ITGB1: variants seen among roughly 807,000 people sequenced by gnomAD.
ITGB1 encodes the protein integrin subunit beta 1.
In ITGB1, 24 loss-of-function variants were observed where a neutral mutation model predicts 86.5. The ratio of observed to expected loss-of-function variants is 0.28; its 90% CI spans 0.20 to 0.39. The LOEUF (loss-of-function observed/expected upper bound fraction) is 0.39, where lower values mean the gene tolerates loss of function less well. ITGB1 is among the 10% of genes least tolerant of loss of function. The pLI is 1.00. For missense variants in ITGB1, 556 were observed against 946.9 expected, an observed-to-expected ratio of 0.59 and a Z score of 5.42; for synonymous variants, 323 against 316.8, an observed-to-expected ratio of 1.02 and a Z score of -0.21.
intron 6 of ITGB1, among the ~76,000 whole-genome samples, chr10:32,924,841 T>A (rs1326162933): frequency 6.6e-6 from 1 of 152,238 alleles, no homozygotes; most frequent in Non-Finnish European, 1.5e-5. Flanking sequence ...ATTTGCTGAA[T>A]GCTCATTGGT....
intron 13 of ITGB1, among the ~76,000 whole-genome samples, chr10:32,910,890 C>A (rs984324006): frequency 2.0e-5 from 3 of 152,008 alleles, no homozygotes; most frequent in African/African-American, 7.3e-5. Flanking sequence ...AGGCACACAC[C>A]ACCATATCTG....
At chr10:32,939,217 T>C (rs182878207) in intron 1 of ITGB1, among the ~76,000 whole-genome samples, 1 of 152,164 alleles carries the variant, frequency 6.6e-6, no homozygotes, top group African/African-American at 2.4e-5. Context: ...TGGCATTCCA[T>C]ATAAAACAGA....
At chr10:32,938,447 C>T (rs1427426081) in intron 1 of ITGB1, among the ~76,000 whole-genome samples, 5 of 152,110 alleles carry the variant, frequency 3.3e-5, no homozygotes, top group Non-Finnish European at 5.9e-5. Flanking sequence ...ACATATCATA[C>T]AATTTAGACA....
At chr10:32,920,793 T>C (rs1262730207) in intron 9 of ITGB1, among the ~76,000 whole-genome samples, 3 of 140,906 alleles carry the variant, frequency 2.1e-5, no homozygotes, top group Non-Finnish European at 3.1e-5. Flanking sequence ...GCCAACACAG[T>C]GAAACCCCAT....
chr10:32,926,467 T>A (rs2094965074), intron 5 of ITGB1, among the ~76,000 whole-genome samples: 1 of 152,208 alleles, frequency 6.6e-6, no homozygotes, highest in Non-Finnish European at 1.5e-5. Context: ...CAATCCCTCA[T>A]GGCTTGGTGC....
intron 1 of ITGB1, chr10:32,944,406 A>T (rs563504221): frequency 3.2e-6 from 1 of 309,994 alleles, no homozygotes; most frequent in South Asian, 3.0e-5. Flanking sequence ...AGGGGCGTCT[A>T]CGCGGCAGCA....
intron 1 of ITGB1, among the ~76,000 whole-genome samples, chr10:32,952,867 C>T (rs2095045262): frequency 6.6e-6 from 1 of 152,154 alleles, no homozygotes; most frequent in Non-Finnish European, 1.5e-5. Flanking sequence ...GACAAATCTT[C>T]AGTGATGCTT....
At chr10:32,902,752 C>T (rs187946913) in intron 15 of ITGB1, among the ~76,000 whole-genome samples, 133 of 152,244 alleles carry the variant, frequency 8.7e-4, no homozygotes, top group African/African-American at 3.2e-3. Context: ...ATTTTATTCA[C>T]ACTTCATTGC....
At position 32,908,626 on chromosome 10, in the gene ITGB1, G is replaced by A. The variant is rs556451611; in HGVS notation, c.2165-92C>T. 1.4e-3 allele frequency: 1,442 copies of A among 1,033,798 alleles called. 4 individuals carry two copies. Among genetic ancestry groups the A allele is most frequent in the Admixed American group, 2.0e-3 (88 of 43,868 alleles). 64.0% of individuals were successfully genotyped at this position (1,033,798 alleles called of 1,614,324 possible). ...GGAATAAACACCCAAGAGAGTGAAC[G>A]CACACTATCCCAAAGAATCTATAAA... On this transcript the variant is annotated intron_variant, in intron 14 of 15. Transcript: ENST00000302278.
chr10:32,956,999 C>T (rs1393016618), intron 1 of ITGB1, among the ~76,000 whole-genome samples: 2 of 152,154 alleles, frequency 1.3e-5, no homozygotes, highest in African/African-American at 4.8e-5. Context: ...CTGATGACCA[C>T]AGGCAACTTA....
chr10:32,939,722 AAGTGAGTGAGTGAGTGAGTGAGTGAGTG>A (rs3035177), intron 1 of ITGB1, among the ~76,000 whole-genome samples: 1 of 149,774 alleles, frequency 6.7e-6, no homozygotes, highest in South Asian at 2.1e-4. Flanking sequence ...CTGGGTGGGT[AAGTGAGTGAGTGAGTGAGTGAGTGAGTG>A]AGTGAGTGAG....
intron 14 of ITGB1, among the ~76,000 whole-genome samples, chr10:32,909,224 C>CA: frequency 6.6e-6 from 1 of 152,156 alleles, no homozygotes; most frequent in South Asian, 2.1e-4. Flanking sequence ...CATGTAAGGT[C>CA]ACCTGATGTT....
In ITGB1 at chr10:32,932,608, AAAG is replaced by A. The variant is rs2094987180; in HGVS notation, c.68-11_68-9del. The A allele has an allele frequency of 1.4e-6, 2 of 1,475,014 alleles. No homozygotes were observed. Among genetic ancestry groups the A allele is most frequent in the Admixed American group, 1.7e-5 (1 of 59,634 alleles). 91.4% of individuals were successfully genotyped at this position (1,475,014 alleles called of 1,614,324 possible). ...TTAAACATCTATTTTCATCTGTCAGAAAGAAGAAAGAACAGAACATTTTATGTG... is the reference window on the plus strand; with the variant it reads ...TTAAACATCTATTTTCATCTGTCAGAAAGAAAGAACAGAACATTTTATGTG... On this transcript the variant is annotated splice_polypyrimidine_tract_variant and intron_variant, in intron 2 of 15. Coordinates refer to ENST00000302278, the MANE Select transcript of ITGB1 (RefSeq NM_002211.4).
At chr10:32,904,395 G>A (rs1004619363) in intron 15 of ITGB1, among the ~76,000 whole-genome samples, 4 of 152,156 alleles carry the variant, frequency 2.6e-5, no homozygotes, top group African/African-American at 9.7e-5. Flanking sequence ...GGTAGCTGCA[G>A]AACCATCTCT....
At chr10:32,943,296 T>C (rs1260730198) in intron 1 of ITGB1, among the ~76,000 whole-genome samples, 2 of 152,210 alleles carry the variant, frequency 1.3e-5, no homozygotes, top group Non-Finnish European at 2.9e-5. Flanking sequence ...TCTGAAGTTA[T>C]ATTACTGGGT....
At chr10:32,921,332 G>A (rs979443834) in intron 9 of ITGB1, among the ~76,000 whole-genome samples, 5 of 152,082 alleles carry the variant, frequency 3.3e-5, no homozygotes, top group African/African-American at 7.2e-5. Context: ...AGGGGAGAAT[G>A]GGAAAAGCTG....
At chr10:32,930,080 T>G (rs2256455) in intron 3 of ITGB1, 36 bp from the exon 4 acceptor site, 520,097 of 828,366 alleles carry the variant, frequency 0.63, 170,363 homozygotes, top group Non-Finnish European at 0.68. Flanking sequence ...TAAATGAAAA[T>G]TGTAATGGTC....
At chr10:32,931,682 G>A (rs1056653192) in intron 3 of ITGB1, among the ~76,000 whole-genome samples, 1 of 151,946 alleles carries the variant, frequency 6.6e-6, no homozygotes, top group Non-Finnish European at 1.5e-5. Flanking sequence ...CAAACCATAC[G>A]ACATATCTGA....
At chr10:32,956,753 T>G (rs1317506631) in intron 1 of ITGB1, among the ~76,000 whole-genome samples, 1 of 152,182 alleles carries the variant, frequency 6.6e-6, no homozygotes, top group East Asian at 1.9e-4. Context: ...GTTAACCATG[T>G]GGCATGTTGG....
Sources: allele counts gnomAD v4.1 joint callset (sites outside exome capture counted in the v4.1 genomes callset), GRCh38; gene constraint gnomAD v4.1.1; transcripts MANE v1.5; gene names NCBI Gene and HGNC (gene_info 2026-07-23, HGNC 2026-07-21).